ATP9A: variants seen among roughly 807,000 people sequenced by gnomAD.
ATP9A encodes ATPase phospholipid transporting 9A.
ATP9A carries 52 observed loss-of-function variants against 144.1 expected under a neutral mutation model. That is an observed-to-expected ratio of 0.36 (90% CI 0.29 to 0.45). The LOEUF is 0.45. ATP9A is among the 20% of genes least tolerant of loss of function. ATP9A has a pLI of 1.00. For synonymous variants in ATP9A, 582 were observed against 557.4 expected, an observed-to-expected ratio of 1.04 and a Z score of -0.62; for missense variants, 947 against 1,392.7, an observed-to-expected ratio of 0.68 and a Z score of 5.09.
At chr20:51,677,203 G>T (rs1419115595) in intron 9 of ATP9A, among the ~76,000 whole-genome samples, 1 of 151,944 alleles carries the variant, frequency 6.6e-6, no homozygotes, top group East Asian at 1.9e-4. Flanking sequence ...CAAAGTGCTT[G>T]GATTACAGGC....
At position 51,597,907 on chromosome 20, in the gene ATP9A, C is replaced by A. The variant is rs933246908; in HGVS notation, c.*3304G>T. On this transcript the variant is annotated 3_prime_UTR_variant, in exon 28 of 28. Transcript: ENST00000338821. ...CTGTCACAAAAAAAAAAGGGTTTCA[C>A]TTCAGGGGAGTGGAACTGGGATGGG... 1 of 151,444 alleles carries A rather than the reference C, an allele frequency of 6.6e-6. No homozygotes were observed. The highest frequency in any genetic ancestry group is 1.5e-5 in the Non-Finnish European group (1 of 67,920). The allele number at this position is 151,444 out of a possible 1,614,324, so 9.4% of individuals were successfully genotyped here.
intron 3 of ATP9A, among the ~76,000 whole-genome samples, chr20:51,718,343 A>T (rs999069445): frequency 6.7e-6 from 1 of 148,792 alleles, no homozygotes; most frequent in Non-Finnish European, 1.5e-5. Flanking sequence ...TAGTAGCTAC[A>T]CAGGTGATTT....
intron 11 of ATP9A, among the ~76,000 whole-genome samples, chr20:51,672,832 T>A (rs1444586628): frequency 1.3e-5 from 2 of 151,976 alleles, no homozygotes; most frequent in African/African-American, 4.8e-5. Flanking sequence ...CTCTAAAAAA[T>A]GATGGGACAC....
intron 14 of ATP9A, among the ~76,000 whole-genome samples, chr20:51,648,888 T>C (rs1455479854): frequency 3.3e-5 from 5 of 152,092 alleles, no homozygotes; most frequent in Admixed American, 6.5e-5. Flanking sequence ...TGCAGCAACA[T>C]AGGTGGAACT....
chr20:51,689,779 T>C (rs984197224), intron 8 of ATP9A, among the ~76,000 whole-genome samples: 2 of 151,512 alleles, frequency 1.3e-5, no homozygotes, highest in Admixed American at 6.6e-5. Context: ...GGAAGTGGCT[T>C]AAAAATTATG....
At chr20:51,660,055 T>C (rs1044264180) in intron 13 of ATP9A, among the ~76,000 whole-genome samples, 3 of 152,246 alleles carry the variant, frequency 2.0e-5, no homozygotes, top group Admixed American at 1.3e-4. Flanking sequence ...AGGTTCTCTA[T>C]TGGAGAGACT....
chr20:51,645,835 GT>G (rs2077340194), intron 14 of ATP9A, among the ~76,000 whole-genome samples: 1 of 152,124 alleles, frequency 6.6e-6, no homozygotes. Flanking sequence ...ATACAACAAG[GT>G]TACTTAACAT....
Position 51,651,267 on chromosome 20 carries a change from AATAT to A in ATP9A, c.1506+5667_1506+5670del, listed in dbSNP as rs896435569. On this transcript the variant is annotated intron_variant, in intron 14 of 27. Transcript: ENST00000338821. ...TATATATTTACATAATATATTATAT[AATAT>A]ATATTTACATAATATATTATATAAT... Among the ~76,000 whole-genome samples the A allele has an allele frequency of 2.1e-5, 3 of 139,634 alleles. No individual in the cohort carries two copies. The Admixed American group carries it at 2.2e-4, about 10-fold the overall frequency. 91.6% of individuals were successfully genotyped at this position (139,634 alleles called of 152,430 possible).
In ATP9A at chr20:51,605,009, T is replaced by C. The variant is rs2077157700; in HGVS notation, c.2815A>G (p.Met939Val). 4 of 1,608,782 alleles carry C rather than the reference T, an allele frequency of 2.5e-6. No individual in the cohort carries two copies. Among genetic ancestry groups the C allele is most frequent in the South Asian group, 2.2e-5 (2 of 90,266 alleles). ...LISIYQGSTI[M>V]YGALLLFESE... The stretch of plus-strand genomic sequence containing the variant: ...TCAAACAGCAGCAGCGCCCCGTACA[T>C]GATGGTGCTCCCTGCAAACACCAGA... Residue 939 changes from methionine (M) to valine (V), a missense_variant, in exon 27 of 28, where the codon ATG becomes GTG. By Grantham distance (21) the Met-to-Val change is conservative. Coordinates refer to ENST00000338821, the MANE Select transcript of ATP9A (RefSeq NM_006045.3).
chr20:51,630,643 A>G (rs1038711620), intron 15 of ATP9A, among the ~76,000 whole-genome samples: 2 of 152,054 alleles, frequency 1.3e-5, no homozygotes, highest in African/African-American at 4.8e-5. Flanking sequence ...GGAGGTTGCA[A>G]TGAGCTGAGA....
intron 16 of ATP9A, 31 bp from the exon 17 acceptor site, chr20:51,627,714 G>T: frequency 6.3e-7 from 1 of 1,577,444 alleles, no homozygotes; most frequent in Non-Finnish European, 8.7e-7. Context: ...GAGTGGGAGC[G>T]GTGCTGAGAG....
At chr20:51,761,952 A>G (rs1168962691) in intron 1 of ATP9A, among the ~76,000 whole-genome samples, 3 of 152,016 alleles carry the variant, frequency 2.0e-5, no homozygotes, top group Non-Finnish European at 4.4e-5. Context: ...AGTCCCCCGC[A>G]TTCCTTGGCT....
chr20:51,637,338 G>T (rs1176141548), intron 15 of ATP9A, among the ~76,000 whole-genome samples: 1 of 134,290 alleles, frequency 7.4e-6, no homozygotes, highest in African/African-American at 2.7e-5. Context: ...AAGACAACTG[G>T]CTATCACTGT....
chr20:51,765,647 A>G (rs1391042842), intron 1 of ATP9A, among the ~76,000 whole-genome samples: 2 of 150,366 alleles, frequency 1.3e-5, no homozygotes, highest in African/African-American at 4.9e-5. Flanking sequence ...CATCTCAAAA[A>G]AAAAAAACAG....
At chr20:51,693,405 G>A (rs527778244) in intron 7 of ATP9A, among the ~76,000 whole-genome samples, 1 of 152,316 alleles carries the variant, frequency 6.6e-6, no homozygotes, top group Non-Finnish European at 1.5e-5. Flanking sequence ...AGAGGGCCAG[G>A]CACTGAGGTC....
At chr20:51,757,456 G>C (rs2122914199) in intron 1 of ATP9A, among the ~76,000 whole-genome samples, 1 of 152,232 alleles carries the variant, frequency 6.6e-6, no homozygotes, top group Non-Finnish European at 1.5e-5. Context: ...GCTTTTCCTT[G>C]GCATTTGCTA....
intron 14 of ATP9A, among the ~76,000 whole-genome samples, chr20:51,651,266 T>G (rs1371441837): frequency 7.1e-6 from 1 of 139,874 alleles, no homozygotes; most frequent in Non-Finnish European, 1.5e-5. Flanking sequence ...ATATATTATA[T>G]AATATATATT....
intron 3 of ATP9A, among the ~76,000 whole-genome samples, chr20:51,723,475 G>A (rs1041688900): frequency 6.6e-6 from 1 of 151,930 alleles, no homozygotes; most frequent in African/African-American, 2.4e-5. Flanking sequence ...ACAGGGGGCT[G>A]GGGCAGGAGG....
intron 9 of ATP9A, among the ~76,000 whole-genome samples, chr20:51,679,475 TC>T (rs2077491292): frequency 6.6e-6 from 1 of 151,978 alleles, no homozygotes; most frequent in African/African-American, 2.4e-5. Context: ...CTCACCATGG[TC>T]CCCATCCACC....
Sources: allele counts gnomAD v4.1 joint callset (sites outside exome capture counted in the v4.1 genomes callset), GRCh38; gene constraint gnomAD v4.1.1; transcripts MANE v1.5; gene names NCBI Gene and HGNC (gene_info 2026-07-23, HGNC 2026-07-21).